Variants in DLG2 observed in about 807,000 individuals in gnomAD.
DLG2 encodes the protein disks large homolog 2.
In DLG2, 45 loss-of-function variants were observed where a neutral mutation model predicts 132.5. The ratio of observed to expected loss-of-function variants is 0.34; its 90% confidence interval spans 0.27 to 0.44. DLG2 has a LOEUF of 0.44. Among genes scored for constraint, DLG2 ranks in the 20% least tolerant of loss-of-function variants. DLG2 has a pLI of 1.00. For missense variants in DLG2, 1,045 were observed against 1,196.9 expected (o/e 0.87, Z 1.87); for synonymous variants, 424 against 419.6 (o/e 1.01, Z -0.13).
intron 7 of DLG2, among the ~76,000 whole-genome samples, chr11:84,357,171 A>G (rs2098619615): frequency 6.6e-6 from 1 of 152,088 alleles, no homozygotes; most frequent in African/African-American, 2.4e-5. Flanking sequence ...ATGTCTTCTT[A>G]AAAAGATAGC....
chr11:83,897,357 A>C (rs567171771), intron 15 of DLG2, among the ~76,000 whole-genome samples: 1 of 152,372 alleles, frequency 6.6e-6, no homozygotes, highest in African/African-American at 2.4e-5. Flanking sequence ...GCATTGATTC[A>C]AAGGGAAGAA....
At chr11:84,947,835 G>C (rs1430202251) in intron 6 of DLG2, among the ~76,000 whole-genome samples, 2 of 152,138 alleles carry the variant, frequency 1.3e-5, no homozygotes, top group Non-Finnish European at 2.9e-5. Flanking sequence ...ACTCTCATAA[G>C]TGTCCTTGGT....
rs544208024 is a variant in DLG2 at position 84,485,425 on chromosome 11, T to C, written c.519+49145A>G. Among the ~76,000 whole-genome samples the C allele has an allele frequency of 3.5e-4, 53 of 152,230 alleles. 1 individual carries two copies. The South Asian group carries it at 0.011, about 31-fold the overall frequency. ...TAATTGAATAAGCATTTGACACAAA[T>C]TTACTGAACTCATTCCAAAATGGTT... On this transcript the variant is annotated intron_variant, in intron 7 of 27. Transcript: ENST00000376104.
intron 14 of DLG2, among the ~76,000 whole-genome samples, chr11:83,942,246 G>T (rs888172988): frequency 6.6e-6 from 1 of 152,116 alleles, no homozygotes; most frequent in Admixed American, 6.5e-5. Flanking sequence ...ATTGAATACA[G>T]TTTTAATGTA....
intron 3 of DLG2, among the ~76,000 whole-genome samples, chr11:85,450,883 T>G (rs779839322): frequency 6.6e-6 from 1 of 152,144 alleles, no homozygotes; most frequent in Non-Finnish European, 1.5e-5. Flanking sequence ...CTGCCTCCTT[T>G]GCTTGCTCTT....
intron 6 of DLG2, among the ~76,000 whole-genome samples, chr11:84,907,336 G>T (rs1490262663): frequency 2.0e-5 from 3 of 152,192 alleles, no homozygotes; most frequent in African/African-American, 7.2e-5. Flanking sequence ...TAAAGAAAGA[G>T]AAAGTTGAGG....
chr11:84,999,835 T>C (rs1054194344), intron 6 of DLG2, among the ~76,000 whole-genome samples: 7 of 152,148 alleles, frequency 4.6e-5, no homozygotes, highest in Non-Finnish European at 1.0e-4. Flanking sequence ...AATTAGTGTT[T>C]GCCTAAGCTT....
chr11:85,314,379 A>G (rs2080507961), intron 3 of DLG2, among the ~76,000 whole-genome samples: 1 of 152,010 alleles, frequency 6.6e-6, no homozygotes, highest in Admixed American at 6.6e-5. Context: ...AAAACAGGTC[A>G]GCTAGGAAAA....
chr11:84,750,957 A>C (rs1409111179), intron 6 of DLG2, among the ~76,000 whole-genome samples: 1 of 152,206 alleles, frequency 6.6e-6, no homozygotes, highest in Non-Finnish European at 1.5e-5. Flanking sequence ...GATTGAAATC[A>C]GGCATTGAGG....
chr11:83,825,132 T>TATATATACACATATATATACAC (rs1565219483), intron 17 of DLG2, among the ~76,000 whole-genome samples: 4 of 127,586 alleles, frequency 3.1e-5, no homozygotes, highest in African/African-American at 1.2e-4. Context: ...CATATATATA[T>TATATATACACATATATATACAC]ACACACACAC....
At chr11:84,299,252 A>G (rs1194714693) in intron 7 of DLG2, among the ~76,000 whole-genome samples, 1 of 152,232 alleles carries the variant, frequency 6.6e-6, no homozygotes, top group Non-Finnish European at 1.5e-5. Flanking sequence ...TGAAGTTGTT[A>G]AATCATTTAA....
chr11:85,006,816 G>A (rs879406228), intron 6 of DLG2, among the ~76,000 whole-genome samples: 4 of 151,902 alleles, frequency 2.6e-5, no homozygotes, highest in East Asian at 1.9e-4. Flanking sequence ...TTTTAATTGT[G>A]ATGTTAGGGT....
rs1591798115 is a variant in DLG2, at chr11:83,654,608, G to A, written c.1826-21283C>T. ...CATTCAGGCATTTTGATGTATTTTG[G>A]TTCTATGTGTGTACTTGTTCTACTG... On this transcript the variant is annotated intron_variant, in intron 18 of 27. Transcript: ENST00000376104. 2.0e-5 allele frequency among the ~76,000 whole-genome samples: 3 copies of A among 152,232 alleles called. No individual in the cohort carries two copies. The South Asian group carries it at 6.2e-4, about 32-fold the overall frequency.
chr11:85,314,201 G>A lies in DLG2; in HGVS notation c.41-28836C>T, dbSNP rs559321651. On this transcript the variant is annotated intron_variant, in intron 3 of 27. Coordinates refer to ENST00000376104, the MANE Select transcript of DLG2 (RefSeq NM_001142699.3). ...GGCTCCTGATTTTCTGGATAGTATA[G>A]GAGATAAAAACACAAAGTAATTAAC... Among the ~76,000 whole-genome samples the A allele has an allele frequency of 1.9e-4, 29 of 152,010 alleles. 1 individual carries two copies. In the South Asian group the frequency reaches 5.8e-3, roughly 30 times the overall value.
intron 9 of DLG2, among the ~76,000 whole-genome samples, chr11:84,120,332 AGCT>A (rs1168123247): frequency 1.3e-5 from 2 of 152,224 alleles, no homozygotes; most frequent in African/African-American, 4.8e-5. Context: ...CACTCAAGAA[AGCT>A]GCTATCTTGT....
chr11:84,452,136 A>C (rs1602377774), intron 7 of DLG2, among the ~76,000 whole-genome samples: 1 of 150,806 alleles, frequency 6.6e-6, no homozygotes, highest in African/African-American at 2.4e-5. Context: ...AGGAAGAAGG[A>C]GGAGGAGGAG....
At chr11:84,827,931 G>A (rs2078548859) in intron 6 of DLG2, among the ~76,000 whole-genome samples, 1 of 151,770 alleles carries the variant, frequency 6.6e-6, no homozygotes, top group South Asian at 2.1e-4. Context: ...ATAGGGAGTA[G>A]AAAGGTGCAT....
At chr11:85,431,056 A>G (rs142905934) in intron 3 of DLG2, among the ~76,000 whole-genome samples, 1 of 152,152 alleles carries the variant, frequency 6.6e-6, no homozygotes, top group Admixed American at 6.5e-5. Context: ...TTTTATTTCT[A>G]TACATCAAAC....
chr11:85,066,583 G>C (rs2064956093), intron 6 of DLG2, among the ~76,000 whole-genome samples: 1 of 151,666 alleles, frequency 6.6e-6, no homozygotes, highest in South Asian at 2.1e-4. Flanking sequence ...AAATTAAAAA[G>C]ATAATACACC....
Sources: gnomAD v4.1 joint callset for allele counts (sites outside exome capture counted in the v4.1 genomes callset) on GRCh38, gnomAD v4.1.1 for gene constraint, MANE v1.5 for transcripts, NCBI Gene and HGNC (gene_info 2026-07-23, HGNC 2026-07-21) for gene names.